Variants in KAZN observed in about 807,000 individuals in gnomAD.
KAZN encodes kazrin.
In KAZN, 40 loss-of-function variants were observed where a neutral mutation model predicts 87.4. The ratio of observed to expected loss-of-function variants is 0.46; its 90% CI spans 0.36 to 0.60. The LOEUF is 0.60. Among genes scored for constraint, KAZN ranks in the 20% least tolerant of loss-of-function variants. The pLI, the probability that KAZN is intolerant of heterozygous loss-of-function variation, is 0.00. For missense variants in KAZN, 898 were observed against 1,073.9 expected, an observed-to-expected ratio of 0.84 and a Z score of 2.29; for synonymous variants, 466 against 458.3, an observed-to-expected ratio of 1.02 and a Z score of -0.22.
intron 1 of KAZN, among the ~76,000 whole-genome samples, chr1:14,026,406 T>C (rs1451149148): frequency 2.0e-5 from 3 of 152,176 alleles, no homozygotes; most frequent in Middle Eastern, 6.3e-3. Flanking sequence ...TTGAAGACCC[T>C]ATGGTGGGGG....
At chr1:14,841,006 G>A (rs1221491027) in intron 1 of KAZN, among the ~76,000 whole-genome samples, 38 of 152,220 alleles carry the variant, frequency 2.5e-4, no homozygotes, top group Non-Finnish European at 1.5e-5. Flanking sequence ...GTGTAAGCAT[G>A]CACACATCTG....
intron 1 of KAZN, among the ~76,000 whole-genome samples, chr1:13,982,434 G>A (rs1398298837): frequency 1.3e-5 from 2 of 152,192 alleles, no homozygotes; most frequent in Admixed American, 6.5e-5. Context: ...GCCGACTTTC[G>A]CGCTGAGTGT....
intron 1 of KAZN, among the ~76,000 whole-genome samples, chr1:14,119,624 T>G (rs566579270): frequency 6.6e-6 from 1 of 152,296 alleles, no homozygotes; most frequent in African/African-American, 2.4e-5. Flanking sequence ...AGGAATTTAC[T>G]GATTAGATGG....
chr1:14,242,062 C>T (rs12401778), intron 2 of KAZN, among the ~76,000 whole-genome samples: 12,517 of 152,194 alleles, frequency 0.082, 1,036 homozygotes, highest in African/African-American at 0.2. Context: ...CTTGAAGTAT[C>T]ATCTTAAAGA....
At chr1:14,474,851 C>T (rs1322312407) in intron 2 of KAZN, among the ~76,000 whole-genome samples, 1 of 152,034 alleles carries the variant, frequency 6.6e-6, no homozygotes, top group African/African-American at 2.4e-5. Context: ...AATAGTGAGG[C>T]ATCACCAACA....
chr1:13,897,722 G>A lies in KAZN; in HGVS notation c.91+3966G>A, dbSNP rs553662798. Among the ~76,000 whole-genome samples, 3 of 152,252 alleles carry A rather than the reference G, an allele frequency of 2.0e-5. No individual in the cohort carries two copies. The East Asian group carries it at 5.8e-4, about 29-fold the overall frequency. On this transcript the variant is annotated intron_variant, in intron 1 of 16. Transcript: ENST00000636203. ...CAGGCAGCCCAACCCCAAAGGCTGTGCTCAAAAAAGGCAATTCCACAGCTT... is the reference window on the plus strand; with the variant it reads ...CAGGCAGCCCAACCCCAAAGGCTGTACTCAAAAAAGGCAATTCCACAGCTT...
chr1:14,252,614 A>T (rs1024000568), intron 2 of KAZN, among the ~76,000 whole-genome samples: 1 of 152,292 alleles, frequency 6.6e-6, no homozygotes, highest in Admixed American at 6.5e-5. Flanking sequence ...CTCTGTTGGT[A>T]TACATTCCCT....
intron 2 of KAZN, among the ~76,000 whole-genome samples, chr1:14,394,066 CTT>C (rs1237414826): frequency 1.3e-5 from 2 of 152,280 alleles, no homozygotes; most frequent in South Asian, 2.1e-4. Context: ...TTGATGTTCT[CTT>C]GTCACCAAAT....
chr1:14,516,201 G>T (rs570471809), intron 2 of KAZN, among the ~76,000 whole-genome samples: 2 of 152,182 alleles, frequency 1.3e-5, no homozygotes, highest in East Asian at 3.8e-4. Context: ...GGTTAGAGCA[G>T]GTTACAGAGC....
intron 3 of KAZN, among the ~76,000 whole-genome samples, chr1:15,040,792 CA>C (rs970927074): frequency 6.7e-6 from 1 of 150,020 alleles, no homozygotes; most frequent in Non-Finnish European, 1.5e-5. Flanking sequence ...AAAAAGGAAA[CA>C]AAAACAAACA....
At chr1:14,023,452 C>G (rs2101273766) in intron 1 of KAZN, among the ~76,000 whole-genome samples, 1 of 152,266 alleles carries the variant, frequency 6.6e-6, no homozygotes, top group Non-Finnish European at 1.5e-5. Context: ...CATCATCATT[C>G]CATTTCTGCA....
chr1:14,434,603 C>T (rs974858565), intron 2 of KAZN, among the ~76,000 whole-genome samples: 1 of 152,186 alleles, frequency 6.6e-6, no homozygotes, highest in African/African-American at 2.4e-5. Context: ...GCTGAGAACA[C>T]TGGGCCCTGG....
chr1:14,743,444 G>C (rs373067215), intron 1 of KAZN, among the ~76,000 whole-genome samples: 1 of 142,868 alleles, frequency 7.0e-6, no homozygotes, highest in South Asian at 2.2e-4. Flanking sequence ...AAAAAAAAAA[G>C]TACATACAAT....
At chr1:14,582,801 T>A (rs1675633811) in intron 2 of KAZN, among the ~76,000 whole-genome samples, 1 of 152,222 alleles carries the variant, frequency 6.6e-6, no homozygotes, top group South Asian at 2.1e-4. Context: ...GGATCTTTAT[T>A]ATGTGAAGTT....
chr1:14,704,067 AAGT>A (rs1168473848), intron 1 of KAZN, among the ~76,000 whole-genome samples: 1 of 152,176 alleles, frequency 6.6e-6, no homozygotes, highest in Non-Finnish European at 1.5e-5. Context: ...CAGCAGAAGA[AAGT>A]AGTAGGCTAT....
At chr1:15,086,807 A>G (rs950358851) in intron 8 of KAZN, among the ~76,000 whole-genome samples, 5 of 152,244 alleles carry the variant, frequency 3.3e-5, no homozygotes, top group Non-Finnish European at 7.3e-5. Flanking sequence ...GAACAACCCT[A>G]GGTTTTATTA....
At chr1:14,298,788 C>A (rs1654316835) in intron 2 of KAZN, among the ~76,000 whole-genome samples, 1 of 152,156 alleles carries the variant, frequency 6.6e-6, no homozygotes, top group East Asian at 1.9e-4. Flanking sequence ...GTAGGAAGTG[C>A]CAGACATAGA....
intron 2 of KAZN, among the ~76,000 whole-genome samples, chr1:14,264,536 G>A (rs1571175836): frequency 6.6e-6 from 1 of 152,216 alleles, no homozygotes; most frequent in Admixed American, 6.5e-5. Context: ...ATAAAAGGAT[G>A]AGTCCTACCC....
chr1:14,880,349 A>G (rs541040376), intron 1 of KAZN, among the ~76,000 whole-genome samples: 1 of 152,316 alleles, frequency 6.6e-6, no homozygotes, highest in East Asian at 1.9e-4. Flanking sequence ...GAGGAAAAGT[A>G]TGTAGTAATT....
Sources: gnomAD v4.1 joint callset for allele counts (sites outside exome capture counted in the v4.1 genomes callset) on GRCh38, gnomAD v4.1.1 for gene constraint, MANE v1.5 for transcripts, NCBI Gene and HGNC (gene_info 2026-07-23, HGNC 2026-07-21) for gene names.